Variants in NAA11 observed in about 807,000 individuals in gnomAD.
NAA11 encodes N-alpha-acetyltransferase 11, NatA catalytic subunit.
Under a neutral mutation model 16.1 loss-of-function variants are expected in NAA11, and 15 were observed. That is an observed-to-expected ratio of 0.93 (90% CI 0.62 to 1.44). The LOEUF (loss-of-function observed/expected upper bound fraction) is 1.44. NAA11 is among the 40% of genes most tolerant of loss of function. The pLI is 0.00. For synonymous variants in NAA11, 122 were observed against 112.4 expected, an observed-to-expected ratio of 1.09 and a Z score of -0.54; for missense variants, 298 against 291.3, an observed-to-expected ratio of 1.02 and a Z score of -0.17.
At chr4:79,243,429 A>G (rs1477056671) in intron 2 of NAA11, among the ~76,000 whole-genome samples, 1 of 152,248 alleles carries the variant, frequency 6.6e-6, no homozygotes, top group Non-Finnish European at 1.5e-5. Context: ...ATAGAGGATT[A>G]GGAAGTAATT....
chr4:79,197,125 C>A, the NAA11 span, among the ~76,000 whole-genome samples: 4 of 151,832 alleles, frequency 2.6e-5, no homozygotes, highest in Non-Finnish European at 5.9e-5. Flanking sequence ...TTGTTTTAAG[C>A]TACTGAATTT....
chr4:79,193,509 C>G, the NAA11 span, among the ~76,000 whole-genome samples: 2 of 152,112 alleles, frequency 1.3e-5, no homozygotes, highest in African/African-American at 4.8e-5. Flanking sequence ...TTGTTTTTGT[C>G]AGATTTGTCA....
At position 79,268,286 on chromosome 4, in the gene NAA11, ACAAAGT is replaced by A. The variant is rs540290860; in HGVS notation, c.*122+25713_*122+25718del. ...TTATTTAACATCAATTCTGGTATTT[ACAAAGT>A]TTACAATTGTAAAGTTCATATCAAA... On this transcript the variant is annotated intron_variant and NMD_transcript_variant, in intron 2 of 2. Transcript: ENST00000511542. Among the ~76,000 whole-genome samples, 349 of 152,286 alleles carry A rather than the reference ACAAAGT, an allele frequency of 2.3e-3. 2 individuals carry two copies. The highest frequency in any genetic ancestry group is 8.0e-3 in the African/African-American group (332 of 41,568).
At chr4:79,298,714 G>A (rs927009257) in intron 1 of NAA11, among the ~76,000 whole-genome samples, 2 of 152,224 alleles carry the variant, frequency 1.3e-5, no homozygotes, top group African/African-American at 2.4e-5. Flanking sequence ...CCCTTGGCAA[G>A]CATGAGACCC....
At chr4:79,169,042 T>C in the NAA11 span, among the ~76,000 whole-genome samples, 1 of 152,048 alleles carries the variant, frequency 6.6e-6, no homozygotes, top group Non-Finnish European at 1.5e-5. Flanking sequence ...GGAATACAAC[T>C]TACAAGGGAT....
chr4:79,274,386 C>T (rs1287965856), intron 2 of NAA11, among the ~76,000 whole-genome samples: 1 of 152,026 alleles, frequency 6.6e-6, no homozygotes, highest in Admixed American at 6.6e-5. Flanking sequence ...AAACTTACTG[C>T]TTTATCTGGG....
At chr4:79,259,338 G>A (rs1486063104) in intron 2 of NAA11, among the ~76,000 whole-genome samples, 1 of 152,148 alleles carries the variant, frequency 6.6e-6, no homozygotes, top group East Asian at 1.9e-4. Context: ...ATTCCCTGGT[G>A]GCAGCTGTGG....
chr4:79,214,391 T>G, the NAA11 span, among the ~76,000 whole-genome samples: 1 of 152,094 alleles, frequency 6.6e-6, no homozygotes, highest in Non-Finnish European at 1.5e-5. Flanking sequence ...AGAAACTTAT[T>G]CCCCAATGCA....
rs576380064 is a variant in NAA11, at chr4:79,248,992, C to CT, written c.*123-22723_*123-22722insA. On this transcript the variant is annotated intron_variant and NMD_transcript_variant, in intron 2 of 2. Coordinates refer to the NAA11 transcript ENST00000511542. Reference sequence around the variant, plus strand: ...GATGAGCAGTCTGGGAGCACTTGAGCCCCCCCCCAGTGCAGCAGGTTCCTA... The same window carrying CT: ...GATGAGCAGTCTGGGAGCACTTGAGCTCCCCCCCCAGTGCAGCAGGTTCCTA... Among the ~76,000 whole-genome samples, 42 of 129,894 alleles carry CT rather than the reference C, an allele frequency of 3.2e-4. 1 individual carries two copies. In the East Asian group the frequency reaches 8.5e-3, roughly 26 times the overall value. The allele number at this position is 129,894 out of a possible 152,430, so 85.2% of individuals were successfully genotyped here.
chr4:79,323,576 T>C (rs1724166196), intron 1 of NAA11, among the ~76,000 whole-genome samples: 1 of 152,058 alleles, frequency 6.6e-6, no homozygotes, highest in South Asian at 2.1e-4. Context: ...ACCCCAGCAC[T>C]TTGGGAGGCC....
chr4:79,249,949 T>C (rs1035046885), intron 2 of NAA11, among the ~76,000 whole-genome samples: 3 of 152,208 alleles, frequency 2.0e-5, no homozygotes, highest in East Asian at 3.9e-4. Context: ...GGTTCTTGCA[T>C]TGGGACTGAC....
chr4:79,180,637 G>A, the NAA11 span, among the ~76,000 whole-genome samples: 1 of 152,148 alleles, frequency 6.6e-6, no homozygotes, highest in Non-Finnish European at 1.5e-5. Flanking sequence ...TGGTGGGACT[G>A]TAAACTAGTT....
At chr4:79,282,340 T>C (rs1722812690) in intron 2 of NAA11, among the ~76,000 whole-genome samples, 1 of 152,032 alleles carries the variant, frequency 6.6e-6, no homozygotes, top group Non-Finnish European at 1.5e-5. Flanking sequence ...TTCTGTTTTT[T>C]AAAAAAGTCA....
intron 1 of NAA11, among the ~76,000 whole-genome samples, chr4:79,303,719 G>A (rs1414362823): frequency 6.6e-6 from 1 of 152,168 alleles, no homozygotes; most frequent in African/African-American, 2.4e-5. Context: ...GGTAATGGAC[G>A]TTACCACTCT....
At chr4:79,194,179 T>C in the NAA11 span, among the ~76,000 whole-genome samples, 2 of 132,470 alleles carry the variant, frequency 1.5e-5, no homozygotes, top group African/African-American at 5.6e-5. Flanking sequence ...CAGGGACAAT[T>C]TGACTTCCTC....
At position 79,256,651 on chromosome 4, in the gene NAA11, A is replaced by ATATATATATATATATATAT. The variant is rs1722113513; in HGVS notation, c.*123-30382_*123-30381insATATATATATATATATATA. On this transcript the variant is annotated intron_variant and NMD_transcript_variant, in intron 2 of 2. Transcript: ENST00000511542. ...AATGAACCATATATATATAAATATA[A>ATATATATATATATATATAT]ATATATATATATATATATTGACACG... Among the ~76,000 whole-genome samples the ATATATATATATATATATAT allele has an allele frequency of 1.9e-4, 25 of 130,738 alleles. 1 individual carries two copies. Among genetic ancestry groups the ATATATATATATATATATAT allele is most frequent in the African/African-American group, 7.4e-4 (24 of 32,578 alleles). The allele number at this position is 130,738 out of a possible 152,430, so 85.8% of individuals were successfully genotyped here.
At chr4:79,252,458 AT>A (rs1305555218) in intron 2 of NAA11, among the ~76,000 whole-genome samples, 4 of 152,200 alleles carry the variant, frequency 2.6e-5, no homozygotes, top group Non-Finnish European at 5.9e-5. Context: ...TAGGACATAC[AT>A]TTTATTGGGG....
intron 2 of NAA11, chr4:79,227,260 A>G (rs997323654): frequency 7.9e-5 from 12 of 152,078 alleles, no homozygotes; most frequent in African/African-American, 2.9e-4. Flanking sequence ...CAATCTACTC[A>G]TCTGACAAAA....
At chr4:79,301,400 C>G (rs1028173186) in intron 1 of NAA11, among the ~76,000 whole-genome samples, 6 of 152,150 alleles carry the variant, frequency 3.9e-5, no homozygotes, top group Non-Finnish European at 7.3e-5. Flanking sequence ...AAATATTGAT[C>G]ATCTATACTA....
Sources: gnomAD v4.1 joint callset for allele counts (sites outside exome capture counted in the v4.1 genomes callset) on GRCh38, gnomAD v4.1.1 for gene constraint, MANE v1.5 for transcripts, NCBI Gene and HGNC (gene_info 2026-07-23, HGNC 2026-07-21) for gene names.